The following ADGRL3 variants were observed in gnomAD, a reference collection of about 807,000 sequenced individuals.
The protein encoded by ADGRL3 is adhesion G protein-coupled receptor L3.
A neutral mutation model predicts 153.5 loss-of-function variants in ADGRL3; 62 were observed. The ratio of observed to expected loss-of-function variants is 0.40; its 90% CI spans 0.33 to 0.50. The LOEUF (loss-of-function observed/expected upper bound fraction) is 0.50. Among genes scored for constraint, ADGRL3 ranks in the 20% least tolerant of loss-of-function variants. The pLI, the probability that ADGRL3 is intolerant of heterozygous loss-of-function variation, is 0.47. For missense variants in ADGRL3, 1,641 were observed against 1,859.4 expected (o/e 0.88, Z 2.16); for synonymous variants, 710 against 672.5 (o/e 1.06, Z -0.86).
chr4:61,948,161 C>T lies in ADGRL3; in HGVS notation c.2690C>T (p.Thr897Ile). 6.2e-7 allele frequency: 1 copy of T among 1,613,676 alleles called. No homozygotes were observed. The highest frequency in any genetic ancestry group is 8.5e-7 in the Non-Finnish European group (1 of 1,179,788). Residue 897 changes from threonine to isoleucine, a missense_variant, in exon 17 of 27, where the codon ACA becomes ATA. Around this residue, in one of 5 missense-constraint regions of ADGRL3, gnomAD observed 734 missense variants for 797.0 expected, o/e 0.92. Coordinates refer to ENST00000683033, the MANE Select transcript of ADGRL3 (RefSeq NM_001387552.1). ...TGGAGCTACTCCAAGCGTACAATGACAGGTTATTGGTCAACACAAGGCTGT... is the reference window on the plus strand; with the variant it reads ...TGGAGCTACTCCAAGCGTACAATGATAGGTTATTGGTCAACACAAGGCTGT... ...SFWSYSKRTM[T>I]GYWSTQGCRL...
chr4:61,745,803 C>A (rs60206571), intron 8 of ADGRL3, among the ~76,000 whole-genome samples: 13,090 of 151,900 alleles, frequency 0.086, 1,201 homozygotes, highest in African/African-American at 0.23. Context: ...TGCATCAACT[C>A]ACGAGCAAAA....
Position 61,225,975 on chromosome 4 carries a change from A to G in ADGRL3, c.-240+24210A>G, listed in dbSNP as rs143967566. Among the ~76,000 whole-genome samples the G allele has an allele frequency of 2.9e-3, 444 of 152,248 alleles. 1 individual carries two copies. Among genetic ancestry groups the G allele is most frequent in the Non-Finnish European group, 2.7e-3 (185 of 68,018 alleles). ...TTCTTGTTCTCTGAATTCTTTTGCTAAAAGCTCTCAAGTTCTCATTTTTCC... is the reference window on the plus strand; with the variant it reads ...TTCTTGTTCTCTGAATTCTTTTGCTGAAAGCTCTCAAGTTCTCATTTTTCC... On this transcript the variant is annotated intron_variant, in intron 1 of 26. Coordinates refer to ENST00000683033, the MANE Select transcript of ADGRL3 (RefSeq NM_001387552.1).
chr4:61,684,234 T>C (rs1458428324), intron 6 of ADGRL3, among the ~76,000 whole-genome samples: 1 of 152,170 alleles, frequency 6.6e-6, no homozygotes, highest in African/African-American at 2.4e-5. Flanking sequence ...AAGAAATGTT[T>C]GTTTGAAAAT....
chr4:61,781,522 G>A (rs549042353), intron 8 of ADGRL3, among the ~76,000 whole-genome samples: 27 of 152,086 alleles, frequency 1.8e-4, no homozygotes, highest in Admixed American at 2.6e-4. Context: ...GTAGTAGCCG[G>A]TTATTCTGAA....
chr4:61,751,081 G>A (rs1489879581), intron 8 of ADGRL3, among the ~76,000 whole-genome samples: 1 of 152,132 alleles, frequency 6.6e-6, no homozygotes, highest in African/African-American at 2.4e-5. Flanking sequence ...ACCCTATAGT[G>A]AAGTGTATAT....
chr4:61,407,656 G>A (rs1290966600), intron 2 of ADGRL3, among the ~76,000 whole-genome samples: 1 of 152,136 alleles, frequency 6.6e-6, no homozygotes, highest in Non-Finnish European at 1.5e-5. Context: ...AGAACAACTT[G>A]AAGGGTTAGA....
At chr4:61,480,608 C>T (rs2098121658) in intron 2 of ADGRL3, among the ~76,000 whole-genome samples, 1 of 151,428 alleles carries the variant, frequency 6.6e-6, no homozygotes, top group South Asian at 2.1e-4. Flanking sequence ...ATATGTGAAA[C>T]CCTGTCTCTA....
In ADGRL3 at chr4:62,009,141, T is replaced by C. The variant is rs189669405; in HGVS notation, c.3395+10876T>C. 2.5e-3 allele frequency among the ~76,000 whole-genome samples: 386 copies of C among 152,316 alleles called. 1 individual carries two copies. Among genetic ancestry groups the C allele is most frequent in the African/African-American group, 8.8e-3 (367 of 41,562 alleles). The stretch of plus-strand genomic sequence containing the variant: ...TATATTCCCATCATTAAATGACACA[T>C]GACTGTATATGCTTTCTAGAAAAGG... On this transcript the variant is annotated intron_variant, in intron 21 of 26. Coordinates refer to ENST00000683033, the MANE Select transcript of ADGRL3 (RefSeq NM_001387552.1).
At chr4:61,553,603 A>G (rs1288974978) in intron 4 of ADGRL3, among the ~76,000 whole-genome samples, 3 of 152,344 alleles carry the variant, frequency 2.0e-5, no homozygotes, top group African/African-American at 7.2e-5. Flanking sequence ...TGACATCACA[A>G]TATAATAAGA....
chr4:61,776,918 C>T (rs893827778), intron 8 of ADGRL3, among the ~76,000 whole-genome samples: 14 of 152,120 alleles, frequency 9.2e-5, no homozygotes, highest in Admixed American at 3.9e-4. Flanking sequence ...GTCAACAGTG[C>T]GACTATTAAA....
intron 3 of ADGRL3, among the ~76,000 whole-genome samples, chr4:61,498,324 G>A (rs1459608350): frequency 6.6e-6 from 1 of 152,112 alleles, no homozygotes; most frequent in African/African-American, 2.4e-5. Flanking sequence ...GCCGAGTTGG[G>A]CAGATCACAA....
At chr4:61,683,779 T>C (rs912758897) in intron 6 of ADGRL3, among the ~76,000 whole-genome samples, 1 of 152,126 alleles carries the variant, frequency 6.6e-6, no homozygotes, top group African/African-American at 2.4e-5. Flanking sequence ...GGGGTTTCAC[T>C]GGGGACCCAC....
chr4:61,214,823 A>G (rs1331543442), intron 1 of ADGRL3, among the ~76,000 whole-genome samples: 1 of 152,160 alleles, frequency 6.6e-6, no homozygotes, highest in East Asian at 1.9e-4. Context: ...CCATAGTTCC[A>G]GCTCCTCAGG....
chr4:61,204,723 C>A (rs1244195352), intron 1 of ADGRL3, among the ~76,000 whole-genome samples: 1 of 152,130 alleles, frequency 6.6e-6, no homozygotes, highest in African/African-American at 2.4e-5. Context: ...ATGATTAACT[C>A]AAAGTTTTAT....
intron 13 of ADGRL3, among the ~76,000 whole-genome samples, chr4:61,921,573 A>G (rs2098769519): frequency 6.6e-6 from 1 of 151,938 alleles, no homozygotes; most frequent in African/African-American, 2.4e-5. Flanking sequence ...ATGCCCAGCT[A>G]ATTTTTGTAT....
intron 8 of ADGRL3, among the ~76,000 whole-genome samples, chr4:61,757,326 A>C (rs2096847111): frequency 6.6e-6 from 1 of 152,040 alleles, no homozygotes; most frequent in South Asian, 2.1e-4. Context: ...CAGAGATTCA[A>C]CTTTTTCCTG....
rs962505790 is a variant in ADGRL3 at position 62,004,757 on chromosome 4, T to C, written c.3395+6492T>C. ...AATCAAATGTACTTCTCCATGCCCATGTATATACTGTGAACACTTTAGTTT... is the reference window on the plus strand; with the variant it reads ...AATCAAATGTACTTCTCCATGCCCACGTATATACTGTGAACACTTTAGTTT... On this transcript the variant is annotated intron_variant, in intron 21 of 26. Transcript: ENST00000683033. Among the ~76,000 whole-genome samples the C allele has an allele frequency of 4.6e-5, 7 of 152,200 alleles. No individual in the cohort carries two copies. The South Asian group carries it at 1.0e-3, about 23-fold the overall frequency.
intron 5 of ADGRL3, among the ~76,000 whole-genome samples, chr4:61,620,535 A>G (rs2092425454): frequency 6.6e-6 from 1 of 150,516 alleles, no homozygotes; most frequent in African/African-American, 2.4e-5. Flanking sequence ...TGTCTCTTTT[A>G]TGCTTGGCAC....
intron 5 of ADGRL3, among the ~76,000 whole-genome samples, chr4:61,672,550 T>C (rs1408312132): frequency 6.6e-6 from 1 of 152,014 alleles, no homozygotes; most frequent in Non-Finnish European, 1.5e-5. Context: ...AGAAGACAAA[T>C]GGCCAACAGA....
Sources: gnomAD v4.1 joint callset for allele counts (sites outside exome capture counted in the v4.1 genomes callset) on GRCh38, gnomAD v4.1.1 for gene constraint, gnomAD v4.1.1 regional missense constraint, MANE v1.5 for transcripts, NCBI Gene and HGNC (gene_info 2026-07-23, HGNC 2026-07-21) for gene names.